The following CXADR variants were observed in gnomAD, a reference collection of about 807,000 sequenced individuals.
The protein encoded by CXADR is coxsackievirus and adenovirus receptor.
Under a neutral mutation model 40.3 loss-of-function variants are expected in CXADR, and 20 were observed. The ratio of observed to expected loss-of-function variants is 0.50; its 90% CI spans 0.35 to 0.72. CXADR has a LOEUF of 0.72. Among genes scored for constraint, CXADR ranks in the 30% least tolerant of loss-of-function variants. The pLI, the probability that CXADR is intolerant of heterozygous loss-of-function variation, is 0.01. For missense variants in CXADR, 332 were observed against 449.1 expected (o/e 0.74, Z 2.36); for synonymous variants, 150 against 161.3 (o/e 0.93, Z 0.53).
chr21:17,555,765 TGG>T (rs2061026536), intron 3 of CXADR, among the ~76,000 whole-genome samples: 1 of 152,310 alleles, frequency 6.6e-6, no homozygotes, highest in East Asian at 1.9e-4. Context: ...AAAAATGTCT[TGG>T]GGGAGCTACT....
At position 17,568,789 on chromosome 21, in the gene CXADR, C is replaced by A. The variant is rs1403613011; in HGVS notation, c.*3097C>A. 11 of 984,900 alleles carry A rather than the reference C, an allele frequency of 1.1e-5. No individual in the cohort carries two copies. Among genetic ancestry groups the A allele is most frequent in the Middle Eastern group, 5.2e-4 (1 of 1,936 alleles). The allele number at this position is 984,900 out of a possible 1,614,324, so 61.0% of individuals were successfully genotyped here. On this transcript the variant is annotated 3_prime_UTR_variant, in exon 7 of 7. Transcript: ENST00000284878. ...CCCTTGTTAGAGAGCCTCTCACTCC[C>A]CCACCCCCAAAAATGTCTACTATTC...
At chr21:17,524,886 G>A (rs1240890541) in intron 1 of CXADR, among the ~76,000 whole-genome samples, 1 of 152,128 alleles carries the variant, frequency 6.6e-6, no homozygotes, top group Middle Eastern at 3.2e-3. Context: ...TCCAGCCTGG[G>A]CGACAGAGTG....
rs796331411 is a variant in CXADR, at chr21:17,522,184, T to C, written c.43+9012T>C. ...TTTTTTGGAGACGGAGTTTTGCTCTTGTTGCCCAGGCTAGAGTGCAATGGC... is the reference window on the plus strand; with the variant it reads ...TTTTTTGGAGACGGAGTTTTGCTCTCGTTGCCCAGGCTAGAGTGCAATGGC... On this transcript the variant is annotated intron_variant, in intron 1 of 6. Coordinates refer to ENST00000284878, the MANE Select transcript of CXADR (RefSeq NM_001338.5). 9.2e-5 allele frequency among the ~76,000 whole-genome samples: 14 copies of C among 151,954 alleles called. 1 individual carries two copies. The highest frequency in any genetic ancestry group is 3.1e-4 in the African/African-American group (13 of 41,460).
At chr21:17,626,890 T>C in the CXADR span, 1 of 152,168 alleles carries the variant, frequency 6.6e-6, no homozygotes, top group African/African-American at 2.4e-5. Context: ...CATTATCATA[T>C]AGGTAAAGAA....
intron 7 of CXADR, among the ~76,000 whole-genome samples, chr21:17,591,444 CACAT>C (rs1351107746): frequency 6.6e-6 from 1 of 151,952 alleles, no homozygotes; most frequent in African/African-American, 2.4e-5. Flanking sequence ...AAGAAATTAA[CACAT>C]ACCTCTGTTA....
downstream of CXADR, among the ~76,000 whole-genome samples, chr21:17,571,414 T>G (rs1428741662): frequency 1.3e-5 from 2 of 152,212 alleles, no homozygotes; most frequent in Non-Finnish European, 2.9e-5. Context: ...CAAGTGGAAC[T>G]GAGAATAATT....
chr21:17,553,116 T>G (rs959708250), intron 3 of CXADR, among the ~76,000 whole-genome samples: 1 of 152,100 alleles, frequency 6.6e-6, no homozygotes, highest in Admixed American at 6.6e-5. Context: ...AGAAACAGTG[T>G]TTCACCATGT....
At chr21:17,613,043 A>G in the CXADR span, 1 of 151,104 alleles carries the variant, frequency 6.6e-6, no homozygotes, top group Admixed American at 6.6e-5. Context: ...CCGCGAGGCC[A>G]CCCCCGAGCC....
chr21:17,579,427 GGT>G (rs2061344829), intron 7 of CXADR, among the ~76,000 whole-genome samples: 4 of 152,020 alleles, frequency 2.6e-5, no homozygotes, highest in East Asian at 1.9e-4. Context: ...TGGGACTACA[GGT>G]GCATGCCACC....
intron 4 of CXADR, among the ~76,000 whole-genome samples, chr21:17,560,087 C>T (rs1414693996): frequency 6.6e-6 from 1 of 151,950 alleles, no homozygotes; most frequent in Non-Finnish European, 1.5e-5. Context: ...GTAATTTACC[C>T]ATGGTGTGTC....
Position 17,589,155 on chromosome 21 carries a change from A to G in CXADR, c.1018-3997A>G, listed in dbSNP as rs72631907. Reference sequence around the variant, plus strand: ...TTTTTCTCATGAATATTATCATATTATATATAATGGGAACACTGGAGGAAA... The same window carrying G: ...TTTTTCTCATGAATATTATCATATTGTATATAATGGGAACACTGGAGGAAA... On this transcript the variant is annotated intron_variant, in intron 7 of 7. Coordinates refer to the CXADR transcript ENST00000400169. 3.7e-3 allele frequency among the ~76,000 whole-genome samples: 563 copies of G among 152,152 alleles called. 10 individuals are homozygous for G. In the East Asian group the frequency reaches 0.082, roughly 22 times the overall value.
At chr21:17,630,652 T>TC in the CXADR span, among the ~76,000 whole-genome samples, 3 of 148,050 alleles carry the variant, frequency 2.0e-5, no homozygotes, top group Non-Finnish European at 3.0e-5. Flanking sequence ...TCCTTCTTCT[T>TC]TTTTTTTTTT....
chr21:17,625,138 A>C, the CXADR span, among the ~76,000 whole-genome samples: 1 of 152,122 alleles, frequency 6.6e-6, no homozygotes, highest in Non-Finnish European at 1.5e-5. Context: ...TTGTTGAATC[A>C]CCAAAAAAGC....
intron 1 of CXADR, among the ~76,000 whole-genome samples, chr21:17,515,441 C>G (rs1461302005): frequency 1.3e-5 from 2 of 150,400 alleles, no homozygotes; most frequent in African/African-American, 2.5e-5. Flanking sequence ...GAGTGAGACT[C>G]TGTCTCAAAA....
chr21:17,594,144 C>T, downstream of CXADR: 2 of 1,613,240 alleles, frequency 1.2e-6, no homozygotes, highest in Non-Finnish European at 1.7e-6. Context: ...GGTCACAATG[C>T]ATTCCAGGAG....
At chr21:17,583,227 T>C (rs939683786) in intron 7 of CXADR, among the ~76,000 whole-genome samples, 2 of 152,226 alleles carry the variant, frequency 1.3e-5, no homozygotes, top group Non-Finnish European at 2.9e-5. Context: ...ATGATAAAGA[T>C]GTGCTATATA....
chr21:17,551,646 A>AG, intron 2 of CXADR, 103 bp from the exon 3 acceptor site: 1 of 908,720 alleles, frequency 1.1e-6, no homozygotes, highest in Non-Finnish European at 1.7e-6. Context: ...CTTTTCTGGG[A>AG]GGGGGCGTTC....
chr21:17,635,865 GAT>G, the CXADR span, among the ~76,000 whole-genome samples: 1 of 152,262 alleles, frequency 6.6e-6, no homozygotes, highest in African/African-American at 2.4e-5. Context: ...TGAATATACA[GAT>G]CAATTTGGAA....
At position 17,566,688 on chromosome 21, in the gene CXADR, T is replaced by TA. The variant is rs1230002543; in HGVS notation, c.*997dup. On this transcript the variant is annotated 3_prime_UTR_variant, in exon 7 of 7. Coordinates refer to ENST00000284878, the MANE Select transcript of CXADR (RefSeq NM_001338.5). The stretch of plus-strand genomic sequence containing the variant: ...TGTTGTTGTTGTTTTTGGATGGTGT[T>TA]ACATATTATATGTTCTAGAAACATG... The TA allele has an allele frequency of 2.0e-6, 2 of 982,516 alleles. No homozygotes were observed. The highest frequency in any genetic ancestry group is 2.4e-6 in the Non-Finnish European group (2 of 827,410). 60.9% of individuals were successfully genotyped at this position (982,516 alleles called of 1,614,324 possible).
Sources: allele counts gnomAD v4.1 joint callset (sites outside exome capture counted in the v4.1 genomes callset), GRCh38; gene constraint gnomAD v4.1.1; transcripts MANE v1.5; gene names NCBI Gene and HGNC (gene_info 2026-07-23, HGNC 2026-07-21).